Variants in CSMD1 observed in about 807,000 individuals in gnomAD.
CSMD1 encodes the protein CUB and Sushi multiple domains 1, also known as CUB and sushi domain-containing protein 1.
CSMD1 carries 213 observed loss-of-function variants against 417.5 expected under a neutral mutation model. The ratio of observed to expected loss-of-function variants is 0.51; its 90% CI spans 0.46 to 0.57. CSMD1 has a LOEUF of 0.57. Ranked by LOEUF, CSMD1 falls within the 20% of genes least tolerant of loss-of-function variation. The pLI, the probability that CSMD1 is intolerant of heterozygous loss-of-function variation, is 0.00. For synonymous variants in CSMD1, 2,862 were observed against 1,736.8 expected, an observed-to-expected ratio of 1.65 and a Z score of -16.11; for missense variants, 6,923 against 4,529.7, an observed-to-expected ratio of 1.53 and a Z score of -15.17.
chr8:4,808,253 G>C (rs774319093), intron 1 of CSMD1, among the ~76,000 whole-genome samples: 8 of 152,164 alleles, frequency 5.3e-5, no homozygotes, highest in Non-Finnish European at 1.0e-4. Flanking sequence ...ACGATGATCA[G>C]AGCATTTACT....
chr8:4,229,509 T>C (rs1301310965), intron 3 of CSMD1, among the ~76,000 whole-genome samples: 2 of 152,188 alleles, frequency 1.3e-5, no homozygotes, highest in East Asian at 1.9e-4. Flanking sequence ...CTTCATATAA[T>C]TCTACTGTAG....
At chr8:3,147,746 T>A (rs1297966189) in intron 40 of CSMD1, among the ~76,000 whole-genome samples, 1 of 152,220 alleles carries the variant, frequency 6.6e-6, no homozygotes, top group Non-Finnish European at 1.5e-5. Flanking sequence ...GTCTGTTTCT[T>A]GTTGAAATTT....
At chr8:3,741,302 G>C (rs546131916) in intron 6 of CSMD1, among the ~76,000 whole-genome samples, 1 of 149,572 alleles carries the variant, frequency 6.7e-6, no homozygotes, top group Non-Finnish European at 1.5e-5. Context: ...GTAGGTCAGA[G>C]ACTAAATGTT....
intron 5 of CSMD1, among the ~76,000 whole-genome samples, chr8:3,935,086 C>A (rs958605096): frequency 6.6e-6 from 1 of 152,218 alleles, no homozygotes; most frequent in Non-Finnish European, 1.5e-5. Context: ...ATGCTTACAT[C>A]TAATACTTAA....
chr8:4,042,796 G>T (rs554333553), intron 3 of CSMD1, among the ~76,000 whole-genome samples: 3 of 97,028 alleles, frequency 3.1e-5, no homozygotes, highest in African/African-American at 1.2e-4. Flanking sequence ...TATACAATAG[G>T]TGAAGTGGTA....
intron 21 of CSMD1, among the ~76,000 whole-genome samples, chr8:3,354,828 T>C (rs183121397): frequency 5.4e-4 from 46 of 85,180 alleles, no homozygotes; most frequent in Middle Eastern, 6.2e-3. Context: ...TATCTATAGA[T>C]ACATATATAG....
intron 7 of CSMD1, among the ~76,000 whole-genome samples, chr8:3,640,301 G>C (rs948333761): frequency 1.4e-4 from 22 of 152,248 alleles, no homozygotes; most frequent in African/African-American, 5.3e-4. Flanking sequence ...TTAGTCTCCA[G>C]GTTTCATGTT....
At chr8:4,746,970 G>C (rs1405055024) in intron 1 of CSMD1, among the ~76,000 whole-genome samples, 2 of 152,168 alleles carry the variant, frequency 1.3e-5, no homozygotes, top group African/African-American at 2.4e-5. Flanking sequence ...AGAGAGGGAA[G>C]AACAGGAATA....
intron 2 of CSMD1, among the ~76,000 whole-genome samples, chr8:4,504,990 A>G (rs2130306195): frequency 6.6e-6 from 1 of 152,316 alleles, no homozygotes; most frequent in South Asian, 2.1e-4. Flanking sequence ...TCCTTTGGGT[A>G]TATACCCAGT....
chr8:4,144,684 G>A (rs13263023), intron 3 of CSMD1, among the ~76,000 whole-genome samples: 46,485 of 150,788 alleles, frequency 0.31, 8,941 homozygotes, highest in Non-Finnish European at 0.4. Context: ...CCGACTGTGC[G>A]GTTTTACATA....
chr8:3,147,688 T>C (rs1229436987), intron 40 of CSMD1, among the ~76,000 whole-genome samples: 1 of 152,220 alleles, frequency 6.6e-6, no homozygotes, highest in Non-Finnish European at 1.5e-5. Context: ...CAAATTACTA[T>C]AAATCTGACA....
intron 1 of CSMD1, among the ~76,000 whole-genome samples, chr8:4,859,302 C>A (rs1430393169): frequency 3.3e-5 from 5 of 152,120 alleles, no homozygotes; most frequent in Non-Finnish European, 5.9e-5. Flanking sequence ...AGACCTAAAA[C>A]CATAAATAAC....
intron 3 of CSMD1, among the ~76,000 whole-genome samples, chr8:4,051,349 G>A (rs1472560513): frequency 1.3e-5 from 2 of 151,836 alleles, no homozygotes; most frequent in African/African-American, 4.9e-5. Flanking sequence ...GCCAGACTCG[G>A]CAGCTTCTTT....
At chr8:3,317,162 A>G (rs1184293560) in intron 23 of CSMD1, among the ~76,000 whole-genome samples, 6 of 152,174 alleles carry the variant, frequency 3.9e-5, no homozygotes, top group Admixed American at 1.3e-4. Flanking sequence ...AATCATCAGC[A>G]TTGTTGTCAC....
chr8:4,247,059 A>G (rs977690490), intron 3 of CSMD1, among the ~76,000 whole-genome samples: 4 of 152,184 alleles, frequency 2.6e-5, no homozygotes, highest in African/African-American at 7.2e-5. Context: ...TAAAGTGAAG[A>G]AGACATCCAA....
chr8:3,427,906 A>G (rs978869971), intron 12 of CSMD1, among the ~76,000 whole-genome samples: 2 of 152,242 alleles, frequency 1.3e-5, no homozygotes, highest in African/African-American at 2.4e-5. Context: ...AGCTCAACTG[A>G]TAATTCACAG....
At chr8:4,192,541 C>T (rs1017497049) in intron 3 of CSMD1, among the ~76,000 whole-genome samples, 2 of 152,110 alleles carry the variant, frequency 1.3e-5, no homozygotes, top group African/African-American at 2.4e-5. Flanking sequence ...GCAACAGGGG[C>T]TTTTATCTAC....
At chr8:4,617,574 G>A (rs539800858) in intron 2 of CSMD1, among the ~76,000 whole-genome samples, 345 of 152,186 alleles carry the variant, frequency 2.3e-3, no homozygotes, top group African/African-American at 7.8e-3. Context: ...TCTCCTTATC[G>A]ATCCTGAGCA....
intron 5 of CSMD1, among the ~76,000 whole-genome samples, chr8:3,775,792 T>G (rs1307473604): frequency 6.6e-6 from 1 of 152,228 alleles, no homozygotes; most frequent in East Asian, 1.9e-4. Context: ...GAAGCATTGC[T>G]GGGTGCTGAT....
Sources: allele counts gnomAD v4.1 joint callset (sites outside exome capture counted in the v4.1 genomes callset), GRCh38; gene constraint gnomAD v4.1.1; transcripts MANE v1.5; gene names NCBI Gene and HGNC (gene_info 2026-07-23, HGNC 2026-07-21).